ATF7IP2: variants seen among roughly 807,000 people sequenced by gnomAD.
ATF7IP2 encodes activating transcription factor 7-interacting protein 2.
ATF7IP2 carries 42 observed loss-of-function variants against 64.2 expected under a neutral mutation model. The ratio of observed to expected loss-of-function variants is 0.65; its 90% CI spans 0.51 to 0.85. The LOEUF is 0.85. Ranked by LOEUF, ATF7IP2 falls within the 40% of genes least tolerant of loss-of-function variation. The pLI, the probability that ATF7IP2 is intolerant of heterozygous loss-of-function variation, is 0.00. For missense variants in ATF7IP2, 933 were observed against 784.2 expected, an observed-to-expected ratio of 1.19 and a Z score of -2.27; for synonymous variants, 308 against 272.8, an observed-to-expected ratio of 1.13 and a Z score of -1.27.
In ATF7IP2 at chr16:10,483,436, G is replaced by C. The variant is rs185612062; in HGVS notation, c.*1187G>C. On this transcript the variant is annotated 3_prime_UTR_variant, in exon 14 of 14. Transcript: ENST00000562102. ...CAAGCAGCCCAAGAAACTCTGAACG[G>C]GGCCCAATGGAGGCAAACTTGAGCA... 3.9e-5 allele frequency: 6 copies of C among 152,136 alleles called. 1 individual carries two copies. In the East Asian group the frequency reaches 1.2e-3, roughly 29 times the overall value. The allele number at this position is 152,136 out of a possible 1,614,324, so 9.4% of individuals were successfully genotyped here.
At chr16:10,480,069 A>G (rs944425862) in intron 12 of ATF7IP2, among the ~76,000 whole-genome samples, 1 of 140,042 alleles carries the variant, frequency 7.1e-6, no homozygotes, top group African/African-American at 2.7e-5. Context: ...GCTCACTTCA[A>G]CCTCCACCTC....
chr16:10,460,937 A>G (rs12165003), intron 9 of ATF7IP2, among the ~76,000 whole-genome samples: 27,689 of 152,088 alleles, frequency 0.18, 2,679 homozygotes, highest in South Asian at 0.24. Context: ...CGCAGCACAT[A>G]TAACCTGTAG....
At chr16:10,457,742 T>A in intron 9 of ATF7IP2, 1 of 366,210 alleles carries the variant, frequency 2.7e-6, no homozygotes, top group East Asian at 5.5e-5. Flanking sequence ...GGTCTCACTT[T>A]GTTGTCCAGG....
At chr16:10,464,083 C>G (rs1486988101) in intron 9 of ATF7IP2, among the ~76,000 whole-genome samples, 1 of 151,846 alleles carries the variant, frequency 6.6e-6, no homozygotes, top group Admixed American at 6.5e-5. Flanking sequence ...GGATCTTGGT[C>G]TCTCTAGTTA....
chr16:10,457,310 T>A (rs2049204490), intron 8 of ATF7IP2, 62 bp from the exon 9 acceptor site: 1 of 1,422,008 alleles, frequency 7.0e-7, no homozygotes, highest in Non-Finnish European at 9.6e-7. Flanking sequence ...ATGCTAATTT[T>A]GTTTGGAAGG....
In ATF7IP2 at chr16:10,414,909, G is replaced by C. The variant is rs141022952; in HGVS notation, c.-203+297G>C. ...ATCTCTCTTTAAAATTAAATACCTAGTAACTAACCGAAGATGTGAAAGATA... is the reference window on the plus strand; with the variant it reads ...ATCTCTCTTTAAAATTAAATACCTACTAACTAACCGAAGATGTGAAAGATA... On this transcript the variant is annotated intron_variant, in intron 2 of 13. Coordinates refer to ENST00000562102, the MANE Select transcript of ATF7IP2 (RefSeq NM_001393719.1). Among the ~76,000 whole-genome samples, 146 of 152,060 alleles carry C rather than the reference G, an allele frequency of 9.6e-4. 1 individual carries two copies. Among genetic ancestry groups the C allele is most frequent in the African/African-American group, 3.3e-3 (135 of 41,450 alleles).
At chr16:10,405,031 C>G (rs2047608150) in intron 1 of ATF7IP2, among the ~76,000 whole-genome samples, 2 of 152,038 alleles carry the variant, frequency 1.3e-5, no homozygotes, top group African/African-American at 4.8e-5. Flanking sequence ...GTAGACCCTC[C>G]CTATAATAAA....
At chr16:10,462,685 T>C (rs1319747385) in intron 9 of ATF7IP2, among the ~76,000 whole-genome samples, 4 of 152,284 alleles carry the variant, frequency 2.6e-5, no homozygotes, top group Non-Finnish European at 5.9e-5. Flanking sequence ...TACTTAGCCT[T>C]TTAAATTTAT....
chr16:10,391,106 A>G (rs754506868), intron 1 of ATF7IP2, among the ~76,000 whole-genome samples: 11 of 151,676 alleles, frequency 7.3e-5, no homozygotes, highest in Non-Finnish European at 1.5e-4. Context: ...ACAGTGAGCT[A>G]TGATCGCGCC....
chr16:10,425,328 C>G (rs2048064372), intron 3 of ATF7IP2, among the ~76,000 whole-genome samples: 1 of 151,404 alleles, frequency 6.6e-6, no homozygotes, highest in African/African-American at 2.4e-5. Context: ...CCTCAGCCTC[C>G]TAAACTGCTG....
intron 9 of ATF7IP2, among the ~76,000 whole-genome samples, chr16:10,462,914 T>C (rs2049422931): frequency 6.6e-6 from 1 of 152,244 alleles, no homozygotes; most frequent in Non-Finnish European, 1.5e-5. Flanking sequence ...TGTTCCAGCT[T>C]ATTAATCCTT....
At chr16:10,440,626 G>C (rs1433422691) in intron 8 of ATF7IP2, among the ~76,000 whole-genome samples, 164 bp downstream of exon 8, 1 of 152,198 alleles carries the variant, frequency 6.6e-6, no homozygotes, top group Non-Finnish European at 1.5e-5. Context: ...ACACCCTTAG[G>C]TAGTACATGC....
At chr16:10,411,249 CCT>C (rs374798069) in intron 1 of ATF7IP2, among the ~76,000 whole-genome samples, 14 of 151,782 alleles carry the variant, frequency 9.2e-5, no homozygotes, top group African/African-American at 3.1e-4. Context: ...GGGAGGATTC[CCT>C]CTTTCTCTAT....
chr16:10,448,883 TG>T (rs532702750), intron 8 of ATF7IP2: 49 of 152,328 alleles, frequency 3.2e-4, no homozygotes, highest in African/African-American at 1.1e-3. Context: ...ATCCTTCTCT[TG>T]TGCCAGTTTT....
At chr16:10,386,761 GA>G (rs775475456) in intron 1 of ATF7IP2, 16 of 152,296 alleles carry the variant, frequency 1.1e-4, no homozygotes, top group Non-Finnish European at 2.1e-4. Context: ...TCGTTTTTAT[GA>G]ATATGTTTTT....
Position 10,404,195 on chromosome 16 carries a change from G to A in ATF7IP2, c.-241-10379G>A, listed in dbSNP as rs143311689. 5.7e-3 allele frequency among the ~76,000 whole-genome samples: 866 copies of A among 152,284 alleles called. 5 individuals are homozygous for A. Among genetic ancestry groups the A allele is most frequent in the African/African-American group, 0.019 (805 of 41,554 alleles). On this transcript the variant is annotated intron_variant, in intron 1 of 13. Transcript: ENST00000562102. ...ATTTTAAAATCAGCAAGAGAAAAGT[G>A]TCTAATCACCTATAAAAGAAACTTC...
intron 12 of ATF7IP2, 134 bp from the exon 13 acceptor site, chr16:10,480,745 G>A (rs1320306623): frequency 4.2e-6 from 3 of 707,724 alleles, no homozygotes; most frequent in South Asian, 1.8e-5. Context: ...AATTAAAAGT[G>A]TATCTTCATA....
At chr16:10,425,110 G>A (rs866235096) in intron 3 of ATF7IP2, among the ~76,000 whole-genome samples, 22 of 144,430 alleles carry the variant, frequency 1.5e-4, no homozygotes, top group African/African-American at 2.9e-4. Flanking sequence ...CCAGGCTAGC[G>A]TGCAATGGCT....
At chr16:10,439,954 G>A (rs1048996910) in intron 7 of ATF7IP2, among the ~76,000 whole-genome samples, 1 of 151,424 alleles carries the variant, frequency 6.6e-6, no homozygotes, top group East Asian at 2.0e-4. Context: ...CTGGGGTCAG[G>A]AGTTCAAACC....
Sources: gnomAD v4.1 joint callset for allele counts (sites outside exome capture counted in the v4.1 genomes callset) on GRCh38, gnomAD v4.1.1 for gene constraint, MANE v1.5 for transcripts, NCBI Gene and HGNC (gene_info 2026-07-23, HGNC 2026-07-21) for gene names.